The following LAMA2 variants were observed in gnomAD, a reference collection of about 807,000 sequenced individuals.
The protein encoded by LAMA2 is laminin subunit alpha 2.
In LAMA2, 269 loss-of-function variants were observed where a neutral mutation model predicts 364.8. The observed-to-expected ratio is 0.74, with a 90% CI of 0.67 to 0.82. LAMA2 has a LOEUF of 0.82. Among genes scored for constraint, LAMA2 ranks in the 40% least tolerant of loss-of-function variants. The probability of loss-of-function intolerance (pLI) is 0.00; values close to 1 mark genes in which losing one functional copy is unlikely to be tolerated. For synonymous variants in LAMA2, 1,379 were observed against 1,370.6 expected, an observed-to-expected ratio of 1.01 and a Z score of -0.14; for missense variants, 3,807 against 3,873.2, an observed-to-expected ratio of 0.98 and a Z score of 0.45.
intron 40 of LAMA2, among the ~76,000 whole-genome samples, chr6:129,409,286 G>T (rs4406255): frequency 0.5 from 76,170 of 151,920 alleles, 19,589 homozygotes; most frequent in African/African-American, 0.62. Context: ...AGTCTTCTCT[G>T]CCTCTGTCAA....
At chr6:128,946,470 A>G (rs1780493696) in intron 1 of LAMA2, among the ~76,000 whole-genome samples, 1 of 152,222 alleles carries the variant, frequency 6.6e-6, no homozygotes, top group African/African-American at 2.4e-5. Flanking sequence ...AATGTGCTTC[A>G]TATCACTAGC....
intron 32 of LAMA2, among the ~76,000 whole-genome samples, chr6:129,356,017 G>A (rs1386815696): frequency 6.6e-6 from 1 of 152,036 alleles, no homozygotes; most frequent in African/African-American, 2.4e-5. Flanking sequence ...GAAGAGATCA[G>A]GCAAAACAAA....
intron 28 of LAMA2, among the ~76,000 whole-genome samples, chr6:129,321,096 T>G (rs967771848): frequency 2.6e-5 from 4 of 152,164 alleles, no homozygotes; most frequent in African/African-American, 9.7e-5. Flanking sequence ...GGGAAACATA[T>G]CTTTGTTCCA....
At chr6:129,278,713 T>C (rs1788501848) in intron 17 of LAMA2, among the ~76,000 whole-genome samples, 1 of 152,186 alleles carries the variant, frequency 6.6e-6, no homozygotes, top group South Asian at 2.1e-4. Context: ...GTGGAATCTT[T>C]GATCCAGATA....
intron 3 of LAMA2, among the ~76,000 whole-genome samples, chr6:129,089,067 C>T (rs897089567): frequency 1.5e-4 from 23 of 152,238 alleles, no homozygotes; most frequent in Non-Finnish European, 2.4e-4. Context: ...ATCTCGGCAC[C>T]TCGGGAGGCC....
intron 1 of LAMA2, among the ~76,000 whole-genome samples, chr6:129,009,560 G>A (rs935584339): frequency 2.0e-5 from 3 of 152,154 alleles, no homozygotes; most frequent in East Asian, 1.9e-4. Context: ...CTTCTCAAAT[G>A]TCCATTTTCA....
At position 129,401,302 on chromosome 6, in the gene LAMA2, G is replaced by A; in HGVS notation, c.5524G>A (p.Ala1842Thr). Reference protein sequence around the residue: ...LKEGNDILDEANRLADEINSI... With the variant: ...LKEGNDILDETNRLADEINSI... ...AGAGGGCAATGACATACTCGATGAA[G>A]CCAACCGTCTTGCAGATGAAATCAA... Residue 1842 changes from alanine to threonine, a missense_variant, in exon 38 of 65, where the codon GCC becomes ACC. Ala to Thr is a moderately conservative substitution (Grantham distance 58, BLOSUM62 0). Around this residue, in one of 3 missense-constraint regions of LAMA2, gnomAD observed 3,333 missense variants for 3,345.7 expected, o/e 1.00. Coordinates refer to ENST00000421865, the MANE Select transcript of LAMA2 (RefSeq NM_000426.4). The A allele has an allele frequency of 6.2e-7, 1 of 1,612,582 alleles. No individual in the cohort carries two copies. The highest frequency in any genetic ancestry group is 1.1e-5 in the South Asian group (1 of 91,028).
chr6:129,004,322 G>A (rs1393295447), intron 1 of LAMA2, among the ~76,000 whole-genome samples: 1 of 59,214 alleles, frequency 1.7e-5, no homozygotes, highest in Non-Finnish European at 3.0e-5. Context: ...ATTAGTGGGT[G>A]CAGCGCACCA....
At chr6:129,289,612 A>G (rs1789541221) in intron 19 of LAMA2, among the ~76,000 whole-genome samples, 1 of 152,150 alleles carries the variant, frequency 6.6e-6, no homozygotes, top group Admixed American at 6.5e-5. Context: ...CACTAATTTT[A>G]TTATGGTAAT....
intron 1 of LAMA2, among the ~76,000 whole-genome samples, chr6:129,023,167 T>C (rs1426625398): frequency 6.6e-6 from 1 of 152,196 alleles, no homozygotes; most frequent in African/African-American, 2.4e-5. Context: ...AAAACTGTTA[T>C]TAAATCCAAT....
chr6:129,425,974 G>T lies in LAMA2; in HGVS notation c.5866-1778G>T, dbSNP rs999348133. Among the ~76,000 whole-genome samples the T allele has an allele frequency of 1.3e-5, 2 of 151,610 alleles. 1 individual carries two copies. The highest frequency in any genetic ancestry group is 4.2e-4 in the South Asian group (2 of 4,816). On this transcript the variant is annotated intron_variant, in intron 40 of 64. Coordinates refer to ENST00000421865, the MANE Select transcript of LAMA2 (RefSeq NM_000426.4). ...TGTCAGATTACATTCTTACAAAAAG[G>T]TATTCACACTCCAAGGCACTGGGGA...
chr6:129,383,809 T>A (rs1226190304), intron 35 of LAMA2, among the ~76,000 whole-genome samples: 1 of 152,140 alleles, frequency 6.6e-6, no homozygotes, highest in Non-Finnish European at 1.5e-5. Context: ...ATTAAGAAAC[T>A]TAAAGAATAC....
At chr6:128,944,700 G>A (rs910751183) in intron 1 of LAMA2, among the ~76,000 whole-genome samples, 2 of 152,050 alleles carry the variant, frequency 1.3e-5, no homozygotes, top group Non-Finnish European at 2.9e-5. Flanking sequence ...TCTACAGGCT[G>A]TACAGGAAGC....
At chr6:129,010,013 A>C (rs1475522631) in intron 1 of LAMA2, among the ~76,000 whole-genome samples, 1 of 152,142 alleles carries the variant, frequency 6.6e-6, no homozygotes, top group Non-Finnish European at 1.5e-5. Flanking sequence ...TCAGTGTTTC[A>C]ATGTTATTCT....
At chr6:129,076,503 A>ATATAT (rs1562216826) in intron 3 of LAMA2, among the ~76,000 whole-genome samples, 2 of 130,414 alleles carry the variant, frequency 1.5e-5, no homozygotes, top group South Asian at 2.2e-4. Flanking sequence ...ATATATAAAT[A>ATATAT]TATATATATA....
intron 40 of LAMA2, among the ~76,000 whole-genome samples, chr6:129,423,122 C>A (rs1032386834): frequency 3.4e-4 from 51 of 151,804 alleles, no homozygotes; most frequent in Non-Finnish European, 8.8e-5. Flanking sequence ...AGGCATTTGA[C>A]AAAATGCGTC....
intron 1 of LAMA2, chr6:128,930,051 A>C (rs1250155779): frequency 2.5e-6 from 1 of 405,096 alleles, no homozygotes; most frequent in Non-Finnish European, 4.5e-6. Flanking sequence ...TGGCGCCCGC[A>C]GCCCTGCAGG....
intron 18 of LAMA2, 66 bp from the exon 19 acceptor site, chr6:129,287,781 A>G: frequency 7.7e-7 from 1 of 1,291,372 alleles, no homozygotes. Flanking sequence ...GGAGAATGAA[A>G]AATATGTAAA....
Position 129,438,632 on chromosome 6 carries a change from T to G in LAMA2, c.5969-14T>G. 7.3e-7 allele frequency: 1 copy of G among 1,377,222 alleles called. No homozygotes were observed. The highest frequency in any genetic ancestry group is 1.7e-5 in the Admixed American group (1 of 59,546). 85.3% of individuals were successfully genotyped at this position (1,377,222 alleles called of 1,614,324 possible). On this transcript the variant is annotated splice_polypyrimidine_tract_variant and intron_variant, in intron 41 of 64. Transcript: ENST00000421865. ...AAAACTTATTTAATCCTTTTTTTTG[T>G]TTTTTATTCGCAGAAAATGAAGACC...
Sources: allele counts gnomAD v4.1 joint callset (sites outside exome capture counted in the v4.1 genomes callset), GRCh38; gene constraint gnomAD v4.1.1; regional missense constraint gnomAD v4.1.1; transcripts MANE v1.5; gene names NCBI Gene and HGNC (gene_info 2026-07-23, HGNC 2026-07-21).